RPF2: variants seen among roughly 807,000 people sequenced by gnomAD.
The protein encoded by RPF2 is brix domain containing 1.
Under a neutral mutation model 38.9 loss-of-function variants are expected in RPF2, and 21 were observed. That is an observed-to-expected ratio of 0.54 (90% CI 0.38 to 0.78). The LOEUF is 0.78. Among genes scored for constraint, RPF2 ranks in the 30% least tolerant of loss-of-function variants. The pLI, the probability that RPF2 is intolerant of heterozygous loss-of-function variation, is 0.00. For synonymous variants in RPF2, 121 were observed against 126.2 expected (o/e 0.96, Z 0.28); for missense variants, 314 against 358.1 (o/e 0.88, Z 0.99).
intron 2 of RPF2, among the ~76,000 whole-genome samples, chr6:110,985,935 C>CA (rs71770271): frequency 0.21 from 21,895 of 104,342 alleles, 1,823 homozygotes; most frequent in South Asian, 0.31. Flanking sequence ...GACTCCATTT[C>CA]AAAAAAAAAA....
chr6:110,987,494 CT>C (rs1406322623), intron 2 of RPF2, among the ~76,000 whole-genome samples: 2 of 152,150 alleles, frequency 1.3e-5, no homozygotes, highest in Non-Finnish European at 2.9e-5. Flanking sequence ...GAAACTGCCC[CT>C]CTCCTTCTAG....
chr6:111,008,178 A>G, intron 7 of RPF2, 41 bp downstream of exon 7: 6 of 1,561,684 alleles, frequency 3.8e-6, no homozygotes, highest in Non-Finnish European at 5.2e-6. Context: ...GTAGCTCAGG[A>G]AGACAGTCTC....
intron 7 of RPF2, among the ~76,000 whole-genome samples, chr6:111,012,389 C>T (rs1232644994): frequency 6.6e-6 from 1 of 151,492 alleles, no homozygotes; most frequent in Non-Finnish European, 1.5e-5. Context: ...TTGGGCTGGT[C>T]TCAGAGTCCT....
intron 3 of RPF2, among the ~76,000 whole-genome samples, chr6:110,990,517 T>G (rs1417725373): frequency 6.6e-6 from 1 of 152,020 alleles, no homozygotes; most frequent in African/African-American, 2.4e-5. Flanking sequence ...AATCCAGTGT[T>G]CTTAATTTTG....
intron 4 of RPF2, among the ~76,000 whole-genome samples, chr6:110,996,776 A>G (rs1321438517): frequency 6.6e-6 from 1 of 152,024 alleles, no homozygotes; most frequent in African/African-American, 2.4e-5. Flanking sequence ...CACTGGAAGA[A>G]AAAAACTGTT....
At chr6:110,988,974 T>C (rs746959456) in intron 2 of RPF2, 54 bp from the exon 3 acceptor site, 42 of 1,566,614 alleles carry the variant, frequency 2.7e-5, no homozygotes, top group Non-Finnish European at 3.1e-5. Flanking sequence ...TTTATTTTTA[T>C]TTCTGCTTTT....
At position 111,028,051 on chromosome 6, in the gene RPF2, T is replaced by C. The variant is rs2114365767; in HGVS notation, c.*2469T>C. 6.6e-6 allele frequency: 1 copy of C among 152,338 alleles called. No homozygotes were observed. Among genetic ancestry groups the C allele is most frequent in the East Asian group, 1.9e-4 (1 of 5,196 alleles). The allele number at this position is 152,338 out of a possible 1,614,324, so 9.4% of individuals were successfully genotyped here. A position where few individuals can be genotyped will look rare whatever the true frequency, so the allele number is the denominator to read the frequency against. ...GTAGATGAGGAAAGCATTTTGGTTA[T>C]TTGTTTTGTTTTAAATACCAAATTT... On this transcript the variant is annotated 3_prime_UTR_variant, in exon 10 of 10. Coordinates refer to ENST00000441448, the MANE Select transcript of RPF2 (RefSeq NM_032194.3).
At chr6:111,009,431 G>T (rs1282856774) in intron 7 of RPF2, among the ~76,000 whole-genome samples, 1 of 151,436 alleles carries the variant, frequency 6.6e-6, no homozygotes, top group Non-Finnish European at 1.5e-5. Flanking sequence ...GACTTCAGGC[G>T]ATCCACCCTC....
intron 3 of RPF2, among the ~76,000 whole-genome samples, chr6:110,990,564 C>G (rs1202201765): frequency 7.0e-5 from 9 of 128,596 alleles, no homozygotes; most frequent in Middle Eastern, 3.8e-3. Flanking sequence ...TGGGAACCCC[C>G]CCCCCCCCCA....
At chr6:111,020,258 C>T (rs9374247) in intron 8 of RPF2, among the ~76,000 whole-genome samples, 34,012 of 151,936 alleles carry the variant, frequency 0.22, 3,884 homozygotes, top group South Asian at 0.38. Context: ...TGCTGTTGCC[C>T]AGGCTGGAGT....
Position 110,999,800 on chromosome 6 carries a change from T to C in RPF2, c.393+13T>C, listed in dbSNP as rs1351474700. ...AAAAGACATTAAGGTAAGATACTCA[T>C]AGAAATGAAAAGTATTTTGTAATGC... On this transcript the variant is annotated intron_variant, in intron 6 of 9. Transcript: ENST00000441448. The C allele has an allele frequency of 8.5e-6, 12 of 1,418,172 alleles. No individual in the cohort carries two copies. Among genetic ancestry groups the C allele is most frequent in the Non-Finnish European group, 1.1e-5 (11 of 1,002,508 alleles). The allele number at this position is 1,418,172 out of a possible 1,614,324, so 87.8% of individuals were successfully genotyped here.
chr6:110,998,093 C>T (rs374918084), intron 5 of RPF2, among the ~76,000 whole-genome samples: 9 of 152,070 alleles, frequency 5.9e-5, no homozygotes, highest in African/African-American at 1.9e-4. Context: ...TTAGTAGAGA[C>T]GGGGTTTCAC....
intron 7 of RPF2, 57 bp downstream of exon 7, chr6:111,008,194 C>T (rs2114329610): frequency 6.6e-7 from 1 of 1,506,098 alleles, no homozygotes; most frequent in Admixed American, 2.4e-5. Context: ...GTCTCAGACT[C>T]TCACTGGTGG....
chr6:110,997,111 A>AT (rs1014486763), intron 4 of RPF2, 72 bp from the exon 5 acceptor site: 2 of 1,010,260 alleles, frequency 2.0e-6, no homozygotes, highest in African/African-American at 3.2e-5. Flanking sequence ...TGAAGGTAAG[A>AT]TTTTTAAAGG....
intron 8 of RPF2, among the ~76,000 whole-genome samples, chr6:111,019,435 C>CT (rs1378082841): frequency 6.6e-6 from 1 of 151,884 alleles, no homozygotes; most frequent in Admixed American, 6.6e-5. Flanking sequence ...GTGAGACTGT[C>CT]TGAAAAAAAC....
intron 5 of RPF2, among the ~76,000 whole-genome samples, chr6:110,998,999 A>G (rs936584993): frequency 6.6e-6 from 1 of 152,116 alleles, no homozygotes; most frequent in Admixed American, 6.6e-5. Flanking sequence ...TGGGGCATAT[A>G]AATATGACCC....
chr6:111,022,710 T>A (rs1030245865), intron 8 of RPF2, among the ~76,000 whole-genome samples: 38 of 152,230 alleles, frequency 2.5e-4, no homozygotes, highest in African/African-American at 9.2e-4. Flanking sequence ...TTTTAGTTAA[T>A]TAAAAGGTGC....
intron 2 of RPF2, among the ~76,000 whole-genome samples, chr6:110,987,511 A>G (rs1306820972): frequency 6.6e-6 from 1 of 152,174 alleles, no homozygotes; most frequent in Admixed American, 6.5e-5. Context: ...TCTAGTATCC[A>G]TCAGCACAAT....
chr6:111,006,780 A>G (rs1398018541), intron 6 of RPF2, among the ~76,000 whole-genome samples: 2 of 151,982 alleles, frequency 1.3e-5, no homozygotes, highest in Non-Finnish European at 2.9e-5. Context: ...CTAATTTTTA[A>G]AAGTTTTTTT....
Sources: allele counts gnomAD v4.1 joint callset (sites outside exome capture counted in the v4.1 genomes callset), GRCh38; gene constraint gnomAD v4.1.1; transcripts MANE v1.5; gene names NCBI Gene and HGNC (gene_info 2026-07-23, HGNC 2026-07-21).